The following PHKB variants were observed in gnomAD, a reference collection of about 807,000 sequenced individuals.
PHKB encodes phosphorylase kinase regulatory subunit beta.
In PHKB, 122 loss-of-function variants were observed where a neutral mutation model predicts 152.1. That is an observed-to-expected ratio of 0.80 (90% CI 0.69 to 0.93). The LOEUF (loss-of-function observed/expected upper bound fraction) is 0.93. Among genes scored for constraint, PHKB ranks in the 40% least tolerant of loss-of-function variants. The pLI is 0.00. For synonymous variants in PHKB, 436 were observed against 464.9 expected, an observed-to-expected ratio of 0.94 and a Z score of 0.80; for missense variants, 1,304 against 1,328.4, an observed-to-expected ratio of 0.98 and a Z score of 0.29.
chr16:47,621,755 C>A (rs1169503147), intron 14 of PHKB, among the ~76,000 whole-genome samples: 3 of 152,114 alleles, frequency 2.0e-5, no homozygotes, highest in Non-Finnish European at 4.4e-5. Context: ...TCTGAGAGAG[C>A]CTAGCCTGAA....
Position 47,660,612 on chromosome 16 carries a change from C to T in PHKB, c.2033+45C>T, listed in dbSNP as rs746735849. Reference sequence around the variant, plus strand: ...TTCATTTTTGGGTTTTTTGAAATTACATTAGAAAAGCAGAAAATATGAAAC... The same window carrying T: ...TTCATTTTTGGGTTTTTTGAAATTATATTAGAAAAGCAGAAAATATGAAAC... On this transcript the variant is annotated intron_variant, in intron 21 of 30. Transcript: ENST00000323584. The T allele has an allele frequency of 5.0e-6, 8 of 1,612,054 alleles. No individual in the cohort carries two copies. In the Admixed American group the frequency reaches 8.3e-5, roughly 17 times the overall value.
rs1380585479 is a variant in PHKB at position 47,507,004 on chromosome 16, C to A, written c.405+3914C>A. 3.3e-5 allele frequency among the ~76,000 whole-genome samples: 5 copies of A among 152,148 alleles called. No individual in the cohort carries two copies. The East Asian group carries it at 9.6e-4, about 29-fold the overall frequency. Reference sequence around the variant, plus strand: ...TGGCTGGTTTTTTGAGACAAGGTCTCTCTGGGTCACCCAGGCTTGAATGCA... The same window carrying A: ...TGGCTGGTTTTTTGAGACAAGGTCTATCTGGGTCACCCAGGCTTGAATGCA... On this transcript the variant is annotated intron_variant, in intron 4 of 30. Transcript: ENST00000323584.
intron 13 of PHKB, among the ~76,000 whole-genome samples, chr16:47,610,159 A>ATTTTTTTTTTTTTTTTTTTTTT (rs371224839): frequency 1.0e-5 from 1 of 99,444 alleles, no homozygotes; most frequent in Admixed American, 1.3e-4. Context: ...TGCCCAGCTA[A>ATTTTTTTTTTTTTTTTTTTTTT]TTTTTTTTTT....
At chr16:47,609,620 G>T (rs535568633) in intron 13 of PHKB, among the ~76,000 whole-genome samples, 2 of 151,856 alleles carry the variant, frequency 1.3e-5, no homozygotes, top group South Asian at 4.2e-4. Context: ...AAGCTGTTTA[G>T]ATTTTCTATT....
chr16:47,594,175 C>G lies in PHKB; in HGVS notation c.1165C>G (p.Gln389Glu), dbSNP rs1972078763. The change falls in exon 12 of 31, where the codon CAG (glutamine) becomes GAG (glutamate). Residue 389 changes from glutamine (Q) to glutamate (E), a missense_variant. Gln to Glu is a conservative substitution (Grantham distance 29, BLOSUM62 2). Transcript: ENST00000323584. ...CAATCCTAAGCAAGTACAGGAATAT[C>G]AGGATCTTTTGACTCCAGTACTTCA... ...RGNPKQVQEY[Q>E]DLLTPVLHHT... 1.9e-6 allele frequency: 3 copies of G among 1,582,380 alleles called. No homozygotes were observed. In the East Asian group the frequency reaches 6.7e-5, roughly 36 times the overall value.
intron 6 of PHKB, among the ~76,000 whole-genome samples, chr16:47,526,499 A>G (rs1970770104): frequency 6.6e-6 from 1 of 152,058 alleles, no homozygotes; most frequent in Non-Finnish European, 1.5e-5. Flanking sequence ...CAATCCTGTA[A>G]TCATATAGCT....
chr16:47,535,531 C>T (rs1970936813), intron 6 of PHKB, among the ~76,000 whole-genome samples: 1 of 152,272 alleles, frequency 6.6e-6, no homozygotes, highest in African/African-American at 2.4e-5. Context: ...ATTTATTATA[C>T]TGATTGTTTT....
intron 6 of PHKB, chr16:47,530,048 C>A (rs982412739): frequency 6.6e-6 from 1 of 151,746 alleles, no homozygotes; most frequent in African/African-American, 2.4e-5. Context: ...AATATATCTA[C>A]CAAAAATCTG....
In PHKB at chr16:47,472,683, C is replaced by T. The variant is rs373920537; in HGVS notation, c.76+11257C>T. 1.3e-4 allele frequency among the ~76,000 whole-genome samples: 19 copies of T among 151,998 alleles called. No homozygotes were observed. In the East Asian group the frequency reaches 3.1e-3, roughly 25 times the overall value. ...CTGTAATCCCAACTACTCGGGAGGC[C>T]GGGCAGGAGAATGGCGTGAACCCAG... is the stretch of plus-strand genomic sequence containing the variant. On this transcript the variant is annotated intron_variant, in intron 1 of 30. Transcript: ENST00000323584.
chr16:47,636,050 G>A (rs1177640367), intron 14 of PHKB, among the ~76,000 whole-genome samples: 1 of 152,216 alleles, frequency 6.6e-6, no homozygotes, highest in East Asian at 1.9e-4. Context: ...AGGCATCAAA[G>A]ATGATTCTGA....
chr16:47,521,977 AT>A (rs1436972826), intron 6 of PHKB, among the ~76,000 whole-genome samples: 1 of 151,990 alleles, frequency 6.6e-6, no homozygotes, highest in African/African-American at 2.4e-5. Flanking sequence ...TTTGTTGAGT[AT>A]TTTTACATTA....
intron 6 of PHKB, chr16:47,529,521 G>A (rs1266846191): frequency 6.6e-6 from 1 of 151,856 alleles, no homozygotes; most frequent in Admixed American, 6.6e-5. Context: ...CTAACTTTTT[G>A]TATTTTAGTG....
chr16:47,469,073 T>C lies in PHKB; in HGVS notation c.76+7647T>C, dbSNP rs146341961. ...AATTTTTCCCCCTTCTTAGTTTTCC[T>C]GTTCATCTTCATCCACTAGAATATA... On this transcript the variant is annotated intron_variant, in intron 1 of 30. Coordinates refer to ENST00000323584, the MANE Select transcript of PHKB (RefSeq NM_000293.3). Among the ~76,000 whole-genome samples the C allele has an allele frequency of 3.8e-3, 580 of 152,332 alleles. 1 individual carries two copies. The highest frequency in any genetic ancestry group is 5.6e-3 in the Non-Finnish European group (384 of 68,026).
chr16:47,656,191 G>T (rs760342374), intron 20 of PHKB, among the ~76,000 whole-genome samples: 19 of 151,862 alleles, frequency 1.3e-4, no homozygotes, highest in Non-Finnish European at 2.4e-4. Flanking sequence ...GTAATTTTTT[G>T]TATTTTTAGT....
intron 3 of PHKB, among the ~76,000 whole-genome samples, chr16:47,500,503 C>A (rs1970306748): frequency 6.6e-6 from 1 of 152,128 alleles, no homozygotes; most frequent in Non-Finnish European, 1.5e-5. Flanking sequence ...ATGGAGAGAA[C>A]TGATGATGAC....
intron 16 of PHKB, among the ~76,000 whole-genome samples, chr16:47,647,524 G>A (rs1258490223): frequency 6.7e-6 from 1 of 149,712 alleles, no homozygotes; most frequent in Admixed American, 6.6e-5. Context: ...TTGAGACGGA[G>A]TCTCGCTCTG....
intron 13 of PHKB, among the ~76,000 whole-genome samples, chr16:47,602,187 A>G (rs1232447989): frequency 4.6e-5 from 7 of 152,146 alleles, no homozygotes; most frequent in Non-Finnish European, 8.8e-5. Flanking sequence ...CAGCCTCCTG[A>G]GTAGCTGGGA....
At position 47,648,612 on chromosome 16, in the gene PHKB, C is replaced by A. The variant is rs1292721679; in HGVS notation, c.1688C>A (p.Ser563Ter). Residue 563 changes from serine to a stop codon, truncating the protein, a stop_gained, in exon 17 of 31, where the codon TCA (serine) becomes TAA (stop). Transcript: ENST00000323584. LOFTEE classifies it high-confidence loss of function. ...PDRPIGCLGT[S>*]KIYRILGKTV... ...AGGCCCATTGGCTGCCTCGGGACAT[C>A]AAAGGTACTCATGAAATGTCCTCAA... is the stretch of plus-strand genomic sequence containing the variant. 6.2e-7 allele frequency: 1 copy of A among 1,606,270 alleles called. No individual in the cohort carries two copies. The highest frequency in any genetic ancestry group is 1.1e-5 in the South Asian group (1 of 90,892).
At chr16:47,485,765 G>A (rs1041631865) in intron 1 of PHKB, among the ~76,000 whole-genome samples, 1 of 151,976 alleles carries the variant, frequency 6.6e-6, no homozygotes, top group Non-Finnish European at 1.5e-5. Context: ...GACTACAGGC[G>A]TGTACCAGCA....
Sources: allele counts gnomAD v4.1 joint callset (sites outside exome capture counted in the v4.1 genomes callset), GRCh38; gene constraint gnomAD v4.1.1; transcripts MANE v1.5; gene names NCBI Gene and HGNC (gene_info 2026-07-23, HGNC 2026-07-21).